POLN: variants seen among roughly 807,000 people sequenced by gnomAD.
POLN encodes DNA polymerase nu.
Under a neutral mutation model 113.5 loss-of-function variants are expected in POLN, and 108 were observed. The observed-to-expected ratio is 0.95, with a 90% confidence interval of 0.81 to 1.12. The LOEUF (loss-of-function observed/expected upper bound fraction) is 1.12. Among genes scored for constraint, POLN ranks in the 50% most tolerant of loss-of-function variants. POLN has a pLI of 0.00. For missense variants in POLN, 1,097 were observed against 1,077.1 expected, an observed-to-expected ratio of 1.02 and a Z score of -0.26; for synonymous variants, 386 against 391.5, an observed-to-expected ratio of 0.99 and a Z score of 0.17.
chr4:2,215,098 T>C (rs1437467630), intron 3 of POLN, among the ~76,000 whole-genome samples: 1 of 152,120 alleles, frequency 6.6e-6, no homozygotes, highest in Non-Finnish European at 1.5e-5. Context: ...AAAATGTTTA[T>C]AGCAGTATTG....
At chr4:2,195,132 T>C (rs1733543198) in intron 6 of POLN, among the ~76,000 whole-genome samples, 1 of 152,174 alleles carries the variant, frequency 6.6e-6, no homozygotes, top group African/African-American at 2.4e-5. Context: ...GTATGTGTGC[T>C]AATTTAAATG....
chr4:2,189,885 T>C (rs568879631), intron 7 of POLN, among the ~76,000 whole-genome samples: 6 of 150,916 alleles, frequency 4.0e-5, no homozygotes, highest in African/African-American at 1.5e-4. Context: ...AAAAATTAGG[T>C]GTGGTGGCGA....
chr4:2,101,556 C>T (rs1047259310), intron 19 of POLN, among the ~76,000 whole-genome samples: 1 of 152,242 alleles, frequency 6.6e-6, no homozygotes, highest in Non-Finnish European at 1.5e-5. Flanking sequence ...TAGGAGAGCA[C>T]CTTAACCCTC....
In POLN at chr4:2,171,103, G is replaced by A. The variant is rs748883147; in HGVS notation, c.1453C>T (p.Arg485Ter). 11 of 1,611,186 alleles carry A rather than the reference G, an allele frequency of 6.8e-6. No homozygotes were observed. The highest frequency in any genetic ancestry group is 3.3e-5 in the South Asian group (3 of 90,096). Residue 485 changes from arginine to a stop codon, truncating the protein, a stop_gained, in exon 12 of 26, where the codon CGA (arginine) becomes TGA (stop). Coordinates refer to ENST00000511885, the MANE Select transcript of POLN (RefSeq NM_181808.4). LOFTEE classifies it high-confidence loss of function. Reference protein sequence around the residue: ...RFLITSNNQLREILFGKLKLH... With the variant: ...RFLITSNNQL ...GAACCAAAATTCAGCTTTACCTCTCGAAGCTGGTTATTGCTCGTTATAAGA... is the reference window on the plus strand; with the variant it reads ...GAACCAAAATTCAGCTTTACCTCTCAAAGCTGGTTATTGCTCGTTATAAGA...
intron 3 of POLN, among the ~76,000 whole-genome samples, chr4:2,213,476 T>C (rs1734040228): frequency 6.6e-6 from 1 of 152,222 alleles, no homozygotes; most frequent in Admixed American, 6.5e-5. Context: ...TTAGACTGAA[T>C]ACTGCAGTGG....
chr4:2,161,401 C>T (rs1306410904), intron 13 of POLN, among the ~76,000 whole-genome samples: 1 of 152,232 alleles, frequency 6.6e-6, no homozygotes, highest in Non-Finnish European at 1.5e-5. Context: ...CAATGAGGGG[C>T]TTAGCACCCA....
At chr4:2,097,627 C>G (rs1398413114) in intron 19 of POLN, among the ~76,000 whole-genome samples, 1 of 148,192 alleles carries the variant, frequency 6.7e-6, no homozygotes, top group Non-Finnish European at 1.5e-5. Flanking sequence ...GGATTACAGG[C>G]GTGAGCCACC....
At chr4:2,073,129 C>T (rs1044461385) in intron 24 of POLN, 100 bp from the exon 25 acceptor site, 2 of 1,139,050 alleles carry the variant, frequency 1.8e-6, no homozygotes, top group African/African-American at 1.5e-5. Context: ...TGCCCCGGCC[C>T]CTGAGCCCCC....
Position 2,192,100 on chromosome 4 carries a change from G to A in POLN, c.1021+1104C>T, listed in dbSNP as rs577561786. Among the ~76,000 whole-genome samples the A allele has an allele frequency of 6.5e-5, 9 of 138,652 alleles. No individual in the cohort carries two copies. In the South Asian group the frequency reaches 2.1e-3, roughly 32 times the overall value. The allele number at this position is 138,652 out of a possible 152,430, so 91.0% of individuals were successfully genotyped here. A position where few individuals can be genotyped will look rare whatever the true frequency, so the allele number is the denominator to read the frequency against. ...ACTGCACTCTAGCCTGGGCGACAGAGCGAGACTCCATCTCAAAAAAAAAAA... is the reference window on the plus strand; with the variant it reads ...ACTGCACTCTAGCCTGGGCGACAGAACGAGACTCCATCTCAAAAAAAAAAA... On this transcript the variant is annotated intron_variant, in intron 7 of 25. Coordinates refer to ENST00000511885, the MANE Select transcript of POLN (RefSeq NM_181808.4).
At chr4:2,100,077 A>AG (rs1730887178) in intron 19 of POLN, among the ~76,000 whole-genome samples, 1 of 5,376 alleles carries the variant, frequency 1.9e-4, no homozygotes, top group African/African-American at 3.1e-4. Flanking sequence ...CTCAAAAAAG[A>AG]AAAAAAAAGA....
In POLN at chr4:2,139,484, C is replaced by A. The variant is rs1731943212; in HGVS notation, c.1732-8194G>T. ...GCAATGTGCGCTGCACACAGTGGAA[C>A]CTGCTCTGCATATGTCCCTGTCAAG... is the stretch of plus-strand genomic sequence containing the variant. On this transcript the variant is annotated intron_variant, in intron 16 of 25. Transcript: ENST00000511885. Among the ~76,000 whole-genome samples the A allele has an allele frequency of 2.0e-5, 3 of 152,242 alleles. No homozygotes were observed. The South Asian group carries it at 6.2e-4, about 32-fold the overall frequency.
chr4:2,132,740 T>TCACTCA (rs1731756525), intron 16 of POLN, among the ~76,000 whole-genome samples: 1 of 152,164 alleles, frequency 6.6e-6, no homozygotes, highest in Admixed American at 6.5e-5. Flanking sequence ...CTTTATTCTA[T>TCACTCA]CCTCCAGGAA....
At position 2,081,735 on chromosome 4, in the gene POLN, C is replaced by T. The variant is rs747046047; in HGVS notation, c.2206G>A (p.Val736Met). The T allele has an allele frequency of 1.2e-6, 2 of 1,613,928 alleles. No homozygotes were observed. The highest frequency in any genetic ancestry group is 4.5e-5 in the East Asian group (2 of 44,852). Residue 736 changes from valine (V) to methionine (M), a missense_variant, in exon 22 of 26, where the codon GTG becomes ATG. Physicochemically the swap from Val to Met is conservative, Grantham distance 21 (BLOSUM62 1). Transcript: ENST00000511885. ...GGTCTCCTTCTGCCCATGATGGACA[C>T]CACACAGCCTGAGTCACACAGAGCA... ...IAQCHQTGCV[V>M]SIMGRRRPLP...
At chr4:2,145,472 A>T (rs1732115585) in intron 16 of POLN, among the ~76,000 whole-genome samples, 1 of 152,218 alleles carries the variant, frequency 6.6e-6, no homozygotes, top group African/African-American at 2.4e-5. Context: ...AAGACAAACC[A>T]CTAAACTGAA....
At chr4:2,128,626 G>T (rs35195981) in intron 18 of POLN, among the ~76,000 whole-genome samples, 1 of 152,008 alleles carries the variant, frequency 6.6e-6, no homozygotes, top group African/African-American at 2.4e-5. Flanking sequence ...GCTGGGAGGA[G>T]TAGGGTCCGG....
chr4:2,115,737 T>G (rs1036850888), intron 19 of POLN, among the ~76,000 whole-genome samples: 15 of 152,198 alleles, frequency 9.9e-5, no homozygotes, highest in African/African-American at 3.6e-4. Flanking sequence ...AGCCACTAGA[T>G]TTGGAAGCAA....
chr4:2,107,739 G>A (rs1210302016), intron 19 of POLN, among the ~76,000 whole-genome samples: 1 of 152,206 alleles, frequency 6.6e-6, no homozygotes, highest in Non-Finnish European at 1.5e-5. Flanking sequence ...ACTGGCCATG[G>A]CACTGAGCTC....
intron 2 of POLN, among the ~76,000 whole-genome samples, chr4:2,235,034 C>T (rs1333264686): frequency 3.9e-5 from 6 of 152,214 alleles, no homozygotes; most frequent in African/African-American, 7.2e-5. Flanking sequence ...TACAGTCACC[C>T]GCCACCACGC....
chr4:2,117,423 C>T (rs1246519477), intron 19 of POLN, among the ~76,000 whole-genome samples: 1 of 152,244 alleles, frequency 6.6e-6, no homozygotes, highest in Non-Finnish European at 1.5e-5. Context: ...TTTATCCCCT[C>T]ACCATGGGTG....
Sources: gnomAD v4.1 joint callset for allele counts (sites outside exome capture counted in the v4.1 genomes callset) on GRCh38, gnomAD v4.1.1 for gene constraint, MANE v1.5 for transcripts, NCBI Gene and HGNC (gene_info 2026-07-23, HGNC 2026-07-21) for gene names.